Variants in TMEM200A observed in about 807,000 individuals in gnomAD.
TMEM200A encodes transmembrane protein 200A.
In TMEM200A, 12 loss-of-function variants were observed where a neutral mutation model predicts 24.3. The ratio of observed to expected loss-of-function variants is 0.49; its 90% confidence interval spans 0.32 to 0.80. TMEM200A has a LOEUF of 0.80. TMEM200A is among the 30% of genes least tolerant of loss of function. TMEM200A has a pLI of 0.04. For missense variants in TMEM200A, 545 were observed against 614.4 expected (o/e 0.89, Z 1.19); for synonymous variants, 224 against 224.4 (o/e 1.00, Z 0.02).
intron 1 of TMEM200A, among the ~76,000 whole-genome samples, chr6:130,367,433 C>G (rs546160971): frequency 6.6e-6 from 1 of 152,194 alleles, no homozygotes; most frequent in South Asian, 2.1e-4. Context: ...GCAATCAAAC[C>G]AAGTTTGAGG....
At chr6:130,390,286 G>A (rs1327786207) in intron 2 of TMEM200A, among the ~76,000 whole-genome samples, 1 of 152,222 alleles carries the variant, frequency 6.6e-6, no homozygotes, top group African/African-American at 2.4e-5. Flanking sequence ...ATCTATTATA[G>A]TTTTAACCTA....
chr6:130,366,593 G>C lies in TMEM200A; in HGVS notation c.-81+69G>C. 1 of 985,586 alleles carries C rather than the reference G, an allele frequency of 1.0e-6. No individual in the cohort carries two copies. Among genetic ancestry groups the C allele is most frequent in the Non-Finnish European group, 1.2e-6 (1 of 829,994 alleles). The allele number at this position is 985,586 out of a possible 1,614,324, so 61.1% of individuals were successfully genotyped here. A position where few individuals can be genotyped will look rare whatever the true frequency, so the allele number is the denominator to read the frequency against. On this transcript the variant is annotated intron_variant, in intron 1 of 2. Coordinates refer to ENST00000296978, the MANE Select transcript of TMEM200A (RefSeq NM_001258277.2). The surrounding 1 kb of genome is among the most constrained non-coding windows in gnomAD (Gnocchi z 4.4). ...GGGCGGCCACCGCAGCCGAAACCGG[G>C]CACTTCTTCAGCCCTCTGCCCTCCC...
At chr6:130,384,897 T>C (rs561865016) in intron 1 of TMEM200A, among the ~76,000 whole-genome samples, 1 of 152,314 alleles carries the variant, frequency 6.6e-6, no homozygotes, top group South Asian at 2.1e-4. Context: ...TGTTTTTGCT[T>C]TTCTTCTAAT....
chr6:130,413,154 C>T (rs775184799), intron 2 of TMEM200A, among the ~76,000 whole-genome samples: 4 of 152,190 alleles, frequency 2.6e-5, no homozygotes, highest in African/African-American at 9.7e-5. Flanking sequence ...TAAGGTTGCT[C>T]TCATTCTACA....
At chr6:130,417,432 T>C (rs997436340) in intron 2 of TMEM200A, among the ~76,000 whole-genome samples, 8 of 152,224 alleles carry the variant, frequency 5.3e-5, no homozygotes, top group African/African-American at 1.9e-4. Context: ...CAGGTTGAAG[T>C]TGATTTAGCA....
At chr6:130,373,522 AAT>A (rs1583170386) in intron 1 of TMEM200A, among the ~76,000 whole-genome samples, 1 of 152,226 alleles carries the variant, frequency 6.6e-6, no homozygotes, top group East Asian at 1.9e-4. Context: ...AAGCTTTATT[AAT>A]GTCAGTATAA....
At chr6:130,430,168 T>G (rs993839978) in intron 2 of TMEM200A, among the ~76,000 whole-genome samples, 2 of 152,160 alleles carry the variant, frequency 1.3e-5, no homozygotes, top group African/African-American at 4.8e-5. Context: ...AGATTCAGTA[T>G]CTAGTGTGGA....
At chr6:130,365,644 G>C (rs1417653738), upstream of TMEM200A, 2 of 985,280 alleles carry the variant, frequency 2.0e-6, no homozygotes, top group African/African-American at 3.5e-5. Flanking sequence ...TCCCGCGGTA[G>C]CTAGAGGCGG....
At chr6:130,383,139 T>A (rs999426782) in intron 1 of TMEM200A, 6 of 826,724 alleles carry the variant, frequency 7.3e-6, no homozygotes, top group Middle Eastern at 6.2e-4. Context: ...TCCATGGGAT[T>A]CATTAGTTGT....
At chr6:130,383,176 C>T (rs1359091022) in intron 1 of TMEM200A, 2 of 486,014 alleles carry the variant, frequency 4.1e-6, no homozygotes, top group Non-Finnish European at 5.3e-6. Flanking sequence ...GACAGTTCCA[C>T]TCAACTGAGG....
intron 2 of TMEM200A, among the ~76,000 whole-genome samples, chr6:130,388,984 T>A (rs1446480885): frequency 6.6e-6 from 1 of 152,204 alleles, no homozygotes; most frequent in Admixed American, 6.5e-5. Flanking sequence ...ATAAAATAAA[T>A]TTTATAGAAA....
chr6:130,375,825 A>G (rs891594015), intron 1 of TMEM200A, among the ~76,000 whole-genome samples: 2 of 152,148 alleles, frequency 1.3e-5, no homozygotes, highest in Non-Finnish European at 2.9e-5. Context: ...AGTGCAAAGT[A>G]TTACCTCACT....
chr6:130,376,859 T>A (rs1778467593), intron 1 of TMEM200A, among the ~76,000 whole-genome samples: 1 of 152,232 alleles, frequency 6.6e-6, no homozygotes, highest in African/African-American at 2.4e-5. Context: ...ACACTTTACT[T>A]GACTTGTGGA....
chr6:130,398,442 G>A (rs1451349640), intron 2 of TMEM200A, among the ~76,000 whole-genome samples: 1 of 131,094 alleles, frequency 7.6e-6, no homozygotes, highest in Admixed American at 7.3e-5. Flanking sequence ...AGTGCATGTG[G>A]GTTTTTTTTT....
intron 2 of TMEM200A, among the ~76,000 whole-genome samples, chr6:130,396,287 A>G (rs1265103805): frequency 1.3e-5 from 2 of 151,188 alleles, no homozygotes; most frequent in Non-Finnish European, 2.9e-5. Context: ...TTTTTTATTT[A>G]TGTATTTTTG....
In TMEM200A at chr6:130,400,748, A is replaced by T. The variant is rs539889020; in HGVS notation, c.-17+15512A>T. ...CACACTTGGAGCTTTAGGCAAAGAT[A>T]AGCTTCCTTATTGTTTCACTGAGCC... On this transcript the variant is annotated intron_variant, in intron 2 of 2. Transcript: ENST00000296978. Among the ~76,000 whole-genome samples, 30 of 152,012 alleles carry T rather than the reference A, an allele frequency of 2.0e-4. No individual in the cohort carries two copies. The East Asian group carries it at 5.0e-3, about 26-fold the overall frequency.
At chr6:130,380,438 G>A (rs1409193140) in intron 1 of TMEM200A, among the ~76,000 whole-genome samples, 1 of 152,170 alleles carries the variant, frequency 6.6e-6, no homozygotes, top group Non-Finnish European at 1.5e-5. Flanking sequence ...GACACTATAA[G>A]GAAAGTATAA....
chr6:130,408,148 C>T (rs1779249627), intron 2 of TMEM200A, among the ~76,000 whole-genome samples: 1 of 152,026 alleles, frequency 6.6e-6, no homozygotes, highest in African/African-American at 2.4e-5. Context: ...TGTAGTGGCC[C>T]AAAGGAAGGA....
intron 2 of TMEM200A, among the ~76,000 whole-genome samples, chr6:130,412,087 C>A (rs1426953438): frequency 1.4e-5 from 2 of 138,638 alleles, no homozygotes; most frequent in Non-Finnish European, 3.0e-5. Context: ...ATTTGTTGAA[C>A]GTTTCCTTGG....
Sources: gnomAD v4.1 joint callset for allele counts (sites outside exome capture counted in the v4.1 genomes callset) on GRCh38, gnomAD v4.1.1 for gene constraint, Gnocchi (gnomAD v3.1) non-coding constraint, MANE v1.5 for transcripts, NCBI Gene and HGNC (gene_info 2026-07-23, HGNC 2026-07-21) for gene names.